CDH9: variants seen among roughly 807,000 people sequenced by gnomAD.
The protein encoded by CDH9 is cadherin-9.
Under a neutral mutation model 70.9 loss-of-function variants are expected in CDH9, and 28 were observed. The observed-to-expected ratio is 0.40, with a 90% confidence interval of 0.29 to 0.54. The LOEUF is 0.54. CDH9 is among the 20% of genes least tolerant of loss of function. The probability of loss-of-function intolerance (pLI) is 0.59; values close to 1 mark genes in which losing one functional copy is unlikely to be tolerated. For missense variants in CDH9, 874 were observed against 984.4 expected, an observed-to-expected ratio of 0.89 and a Z score of 1.50; for synonymous variants, 409 against 343.1, an observed-to-expected ratio of 1.19 and a Z score of -2.12.
At chr5:26,972,137 G>A (rs1742230207) in intron 2 of CDH9, among the ~76,000 whole-genome samples, 1 of 152,060 alleles carries the variant, frequency 6.6e-6, no homozygotes, top group African/African-American at 2.4e-5. Flanking sequence ...ATGTAATTTA[G>A]GGAAAACGTA....
chr5:27,004,750 A>G (rs1190044749), intron 1 of CDH9, among the ~76,000 whole-genome samples: 1 of 152,140 alleles, frequency 6.6e-6, no homozygotes, highest in Non-Finnish European at 1.5e-5. Flanking sequence ...AGATCGATCA[A>G]TATGCCCTAT....
At chr5:27,012,581 A>G (rs558872317) in intron 1 of CDH9, among the ~76,000 whole-genome samples, 69 of 152,142 alleles carry the variant, frequency 4.5e-4, no homozygotes, top group Non-Finnish European at 7.1e-4. Context: ...CCAGCATAAC[A>G]TGAGTCTAAT....
Position 27,020,477 on chromosome 5 carries a change from G to T in CDH9, c.-50+17986C>A, listed in dbSNP as rs147215806. Among the ~76,000 whole-genome samples, 14 of 151,540 alleles carry T rather than the reference G, an allele frequency of 9.2e-5. No homozygotes were observed. In the East Asian group the frequency reaches 1.4e-3, roughly 15 times the overall value. ...TAAACTAAAAAAATTAACCAAATGT[G>T]ATGATAATTTGCTTTTCAGTAGCTT... On this transcript the variant is annotated intron_variant, in intron 1 of 11. Coordinates refer to ENST00000231021, the MANE Select transcript of CDH9 (RefSeq NM_016279.4).
At chr5:27,013,243 G>C (rs1742988493) in intron 1 of CDH9, among the ~76,000 whole-genome samples, 1 of 151,862 alleles carries the variant, frequency 6.6e-6, no homozygotes, top group Admixed American at 6.6e-5. Flanking sequence ...CACTTTTTTA[G>C]TTTAATTAGT....
intron 1 of CDH9, among the ~76,000 whole-genome samples, chr5:27,007,767 A>C (rs2112112143): frequency 6.6e-6 from 1 of 152,244 alleles, no homozygotes; most frequent in African/African-American, 2.4e-5. Context: ...TCAAACAAGT[A>C]ATACACATAC....
At chr5:26,952,900 CCAAA>C (rs1561015713) in intron 2 of CDH9, among the ~76,000 whole-genome samples, 3 of 15,816 alleles carry the variant, frequency 1.9e-4, no homozygotes, top group African/African-American at 6.8e-4. Context: ...TGTTTCTATT[CCAAA>C]AAAAAAAAAA....
chr5:26,971,838 G>T (rs2112073951), intron 2 of CDH9, among the ~76,000 whole-genome samples: 1 of 152,214 alleles, frequency 6.6e-6, no homozygotes, highest in Non-Finnish European at 1.5e-5. Flanking sequence ...ACAGAACACA[G>T]AGACAACAAC....
chr5:26,965,326 A>G (rs1215166906), intron 2 of CDH9, among the ~76,000 whole-genome samples: 1 of 152,142 alleles, frequency 6.6e-6, no homozygotes, highest in Non-Finnish European at 1.5e-5. Context: ...CTGTAATCCC[A>G]GCACTTTGGG....
intron 2 of CDH9, among the ~76,000 whole-genome samples, chr5:26,919,568 A>T (rs185217748): frequency 6.6e-6 from 1 of 152,184 alleles, no homozygotes; most frequent in Admixed American, 6.5e-5. Context: ...TGGGGATGTG[A>T]CCTAGTGAGA....
chr5:26,890,550 C>G lies in CDH9; in HGVS notation c.1268G>C (p.Arg423Pro), dbSNP rs555002432. 1 of 1,606,932 alleles carries G rather than the reference C, an allele frequency of 6.2e-7. No homozygotes were observed. The highest frequency in any genetic ancestry group is 1.3e-5 in the African/African-American group (1 of 74,890). Residue 423 changes from arginine to proline, a missense_variant, in exon 8 of 12, where the codon CGG becomes CCG. Coordinates refer to ENST00000231021, the MANE Select transcript of CDH9 (RefSeq NM_016279.4). ...RNNLIKYSVD[R>P]HTDMDRIFGI... ...AAAAATACGGTCCATATCAGTATGC[C>G]GATCAACAGAGTACCTGGCAGAAGA...
At chr5:26,933,543 G>A (rs1450348017) in intron 2 of CDH9, among the ~76,000 whole-genome samples, 4 of 151,848 alleles carry the variant, frequency 2.6e-5, no homozygotes, top group Admixed American at 2.0e-4. Context: ...TTGGGAGGCC[G>A]AGGCGGGTGG....
At position 26,880,681 on chromosome 5, in the gene CDH9, G is replaced by T. The variant is rs146459102; in HGVS notation, c.*455C>A. The T allele has an allele frequency of 1.3e-5, 2 of 152,456 alleles. No homozygotes were observed. Among genetic ancestry groups the T allele is most frequent in the African/African-American group, 4.8e-5 (2 of 41,476 alleles). 9.4% of individuals were successfully genotyped at this position (152,456 alleles called of 1,614,324 possible). A position where few individuals can be genotyped will look rare whatever the true frequency, so the allele number is the denominator to read the frequency against. On this transcript the variant is annotated 3_prime_UTR_variant, in exon 12 of 12. Transcript: ENST00000231021. ...AAAAATATGAATGAATTAACACAAA[G>T]ACATTCTTCAACTAAATAAATATGG...
rs764938167 is a variant in CDH9 at position 26,885,623 on chromosome 5, T to C, written c.1873A>G (p.Ile625Val). 1.2e-6 allele frequency: 2 copies of C among 1,613,098 alleles called. No individual in the cohort carries two copies. The highest frequency in any genetic ancestry group is 8.5e-7 in the Non-Finnish European group (1 of 1,179,810). ...GAGGGGCAGAGCTTACTAAGCAGTA[T>C]GAGGACACAGAGTAGAATCGCAACG... ...ALVAILLCVL[I>V]LLILVVLFAA... is the part of the protein sequence containing the mutation. Residue 625 changes from isoleucine to valine, a missense_variant, in exon 11 of 12, where the codon ATA (isoleucine) becomes GTA (valine). Physicochemically the swap from Ile to Val is conservative, Grantham distance 29. Coordinates refer to ENST00000231021, the MANE Select transcript of CDH9 (RefSeq NM_016279.4).
chr5:27,012,190 T>C (rs964409106), intron 1 of CDH9, among the ~76,000 whole-genome samples: 1 of 151,992 alleles, frequency 6.6e-6, no homozygotes, highest in Non-Finnish European at 1.5e-5. Context: ...AAATTATCTC[T>C]AGATTACTTA....
intron 2 of CDH9, among the ~76,000 whole-genome samples, chr5:26,956,099 C>G (rs1741943386): frequency 6.6e-6 from 1 of 152,036 alleles, no homozygotes; most frequent in Admixed American, 6.5e-5. Context: ...TGGCTGTGTC[C>G]CCACCCAAAT....
Position 26,889,929 on chromosome 5 carries a change from A to C in CDH9, c.1419T>G (p.Pro473=). The C allele has an allele frequency of 6.2e-7, 1 of 1,608,226 alleles. No individual in the cohort carries two copies. The highest frequency in any genetic ancestry group is 8.5e-7 in the Non-Finnish European group (1 of 1,175,902). Reference sequence around the variant, plus strand: ...TTATATCTAGAATTCTGATGAAGACAGGGATGTGGCTACTTTGTTTTGGGT... The same window carrying C: ...TTATATCTAGAATTCTGATGAAGACCGGGATGTGGCTACTTTGTTTTGGGT... ...INNPKQSSHI[P]VFIRILDIND... The change falls in exon 9 of 12, where the codon CCT becomes CCG. Residue 473 remains proline (P), a synonymous_variant. Transcript: ENST00000231021.
chr5:27,036,900 A>T (rs1743403368), intron 1 of CDH9, among the ~76,000 whole-genome samples: 1 of 151,958 alleles, frequency 6.6e-6, no homozygotes, highest in African/African-American at 2.4e-5. Flanking sequence ...GTTATGTTCA[A>T]GTTCTTTGGT....
At chr5:26,915,466 G>A (rs988056486) in intron 3 of CDH9, among the ~76,000 whole-genome samples, 164 bp downstream of exon 3, 2 of 151,848 alleles carry the variant, frequency 1.3e-5, no homozygotes, top group Admixed American at 1.3e-4. Context: ...GGAGAATTAA[G>A]ATATATAGAA....
intron 3 of CDH9, among the ~76,000 whole-genome samples, chr5:26,915,021 C>T (rs1741123403): frequency 6.6e-6 from 1 of 152,096 alleles, no homozygotes; most frequent in Non-Finnish European, 1.5e-5. Context: ...CAATTATTTT[C>T]AGTTTGCATA....
Sources: gnomAD v4.1 joint callset for allele counts (sites outside exome capture counted in the v4.1 genomes callset) on GRCh38, gnomAD v4.1.1 for gene constraint, MANE v1.5 for transcripts, NCBI Gene and HGNC (gene_info 2026-07-23, HGNC 2026-07-21) for gene names.